ANKRD52: variants seen among roughly 807,000 people sequenced by gnomAD.
ANKRD52 encodes the protein ankyrin repeat domain 52.
In ANKRD52, 7 loss-of-function variants were observed where a neutral mutation model predicts 116.0. The observed-to-expected ratio is 0.06, with a 90% CI of 0.03 to 0.11. ANKRD52 has a LOEUF of 0.11. Among genes scored for constraint, ANKRD52 ranks in the 10% least tolerant of loss-of-function variants. The pLI, the probability that ANKRD52 is intolerant of heterozygous loss-of-function variation, is 1.00. For missense variants in ANKRD52, 839 were observed against 1,408.6 expected, an observed-to-expected ratio of 0.60 and a Z score of 6.47; for synonymous variants, 528 against 578.1, an observed-to-expected ratio of 0.91 and a Z score of 1.24.
rs778736280 is a variant in ANKRD52 at position 56,243,119 on chromosome 12, C to T, written c.*23G>A. ...ATAGAATTAGATATCAAGCCACCGG[C>T]GGGGGAGGGACACTGGAGGGGGCTA... On this transcript the variant is annotated 3_prime_UTR_variant, in exon 28 of 28. Coordinates refer to ENST00000267116, the MANE Select transcript of ANKRD52 (RefSeq NM_173595.4). This position sits in a 1 kb window ranked among gnomAD's most constrained non-coding sequence, Gnocchi z 4.6. 2.0e-5 allele frequency: 32 copies of T among 1,564,048 alleles called. No individual in the cohort carries two copies. The African/African-American group carries it at 2.5e-4, about 12-fold the overall frequency.
Position 56,242,259 on chromosome 12 carries a change from TA to T in ANKRD52, c.*882del. The stretch of plus-strand genomic sequence containing the variant: ...CAGGAAATTAATTTGTTTCTTCCCC[TA>T]AAGGATAAAACGCTTACTTAAAAAT... On this transcript the variant is annotated 3_prime_UTR_variant, in exon 28 of 28. Coordinates refer to ENST00000267116, the MANE Select transcript of ANKRD52 (RefSeq NM_173595.4). The surrounding 1 kb of genome is among the most constrained non-coding windows in gnomAD (Gnocchi z 4.3). The T allele has an allele frequency of 5.0e-6, 2 of 398,446 alleles. No individual in the cohort carries two copies. Among genetic ancestry groups the T allele is most frequent in the Non-Finnish European group, 8.8e-6 (2 of 226,044 alleles). 24.7% of individuals were successfully genotyped at this position (398,446 alleles called of 1,614,324 possible).
At position 56,253,154 on chromosome 12, in the gene ANKRD52, T is replaced by A. The variant is rs1229061985; in HGVS notation, c.1101-68A>T. On this transcript the variant is annotated intron_variant, in intron 10 of 27. Coordinates refer to ENST00000267116, the MANE Select transcript of ANKRD52 (RefSeq NM_173595.4). This position sits in a 1 kb window ranked among gnomAD's most constrained non-coding sequence, Gnocchi z 5.5. ...ACCAAGTAAGACCTCTTCTGTGACC[T>A]ACCACCACCCTAGAGTCAGGGTAGG... 3 of 1,455,216 alleles carry A rather than the reference T, an allele frequency of 2.1e-6. No individual in the cohort carries two copies. The highest frequency in any genetic ancestry group is 2.8e-6 in the Non-Finnish European group (3 of 1,072,344). The allele number at this position is 1,455,216 out of a possible 1,614,324, so 90.1% of individuals were successfully genotyped here.
In ANKRD52 at chr12:56,258,340, C is replaced by A. The variant is rs542164211; in HGVS notation, c.-71G>T. 2.1e-6 allele frequency: 3 copies of A among 1,401,906 alleles called. No homozygotes were observed. Among genetic ancestry groups the A allele is most frequent in the South Asian group, 3.2e-5 (2 of 63,416 alleles). The allele number at this position is 1,401,906 out of a possible 1,614,324, so 86.8% of individuals were successfully genotyped here. On this transcript the variant is annotated 5_prime_UTR_variant, in exon 1 of 28. Transcript: ENST00000267116. The stretch of plus-strand genomic sequence containing the variant: ...CGGCGGCTCCACCGGGGACACGGAG[C>A]GGCCCAGGCGGCGGCTGCGGTGGCG...
rs1285609298 is a variant in ANKRD52 at position 56,252,394 on chromosome 12, C to A, written c.1371-79G>T. ...CAATCAGATGTGCAGCCAAATGCTG[C>A]TTTGTAACATTCTCCTTATTTAAGT... On this transcript the variant is annotated intron_variant, in intron 13 of 27. Coordinates refer to ENST00000267116, the MANE Select transcript of ANKRD52 (RefSeq NM_173595.4). The surrounding 1 kb of genome is among the most constrained non-coding windows in gnomAD (Gnocchi z 4.7). 25 of 1,597,694 alleles carry A rather than the reference C, an allele frequency of 1.6e-5. No homozygotes were observed. The Middle Eastern group carries it at 1.5e-3, about 95-fold the overall frequency.
chr12:56,251,738 C>CAAAAA (rs11286294), intron 15 of ANKRD52, among the ~76,000 whole-genome samples: 2 of 83,586 alleles, frequency 2.4e-5, no homozygotes, highest in East Asian at 7.2e-4. Context: ...ACTCTGTCTC[C>CAAAAA]AAAAAAAAAA....
intron 21 of ANKRD52, 58 bp downstream of exon 21, chr12:56,245,319 C>A: frequency 6.2e-7 from 1 of 1,601,530 alleles, no homozygotes; most frequent in South Asian, 1.1e-5. Context: ...CCCACCTGTC[C>A]CCCTCTACAC....
At position 56,252,948 on chromosome 12, in the gene ANKRD52, G is replaced by C; in HGVS notation, c.1184-51C>G. On this transcript the variant is annotated intron_variant, in intron 11 of 27. Transcript: ENST00000267116. The surrounding 1 kb of genome is among the most constrained non-coding windows in gnomAD (Gnocchi z 4.7). ...CACATCTGAGAGTGTTCAGCAGGGA[G>C]GGAAAGGCCTTTGCTCTCCTATACA... 6.3e-7 allele frequency: 1 copy of C among 1,599,350 alleles called. No homozygotes were observed. Among genetic ancestry groups the C allele is most frequent in the Non-Finnish European group, 8.5e-7 (1 of 1,172,380 alleles).
In ANKRD52 at chr12:56,247,742, G is replaced by T; in HGVS notation, c.2011C>A (p.Leu671Met). 1 of 1,612,708 alleles carries T rather than the reference G, an allele frequency of 6.2e-7. No homozygotes were observed. Among genetic ancestry groups the T allele is most frequent in the Non-Finnish European group, 8.5e-7 (1 of 1,179,344 alleles). ...TCAGCTCGTTCCCCACTGTCGATCA[G>T]CAAGTGCAGGGAGTCAGTGTGGCCA... is the stretch of plus-strand genomic sequence containing the variant. The part of the protein sequence containing the change: ...ASGHTDSLHL[L>M]IDSGERADIT... The change falls in exon 19 of 28, where the codon CTG (leucine) becomes ATG (methionine). Residue 671 changes from leucine to methionine, a missense_variant. Leu to Met is a conservative substitution (Grantham distance 15, BLOSUM62 2). Coordinates refer to ENST00000267116, the MANE Select transcript of ANKRD52 (RefSeq NM_173595.4).
Position 56,254,817 on chromosome 12 carries a change from G to A in ANKRD52, c.550+48C>T. 6.2e-7 allele frequency: 1 copy of A among 1,604,090 alleles called. No individual in the cohort carries two copies. ...GCTGCAACCCCACATCCCTGCCCTA[G>A]GAATCCTAAATGTCAAATTTCTGAT... On this transcript the variant is annotated intron_variant, in intron 6 of 27. Coordinates refer to ENST00000267116, the MANE Select transcript of ANKRD52 (RefSeq NM_173595.4). The surrounding 1 kb of genome is among the most constrained non-coding windows in gnomAD (Gnocchi z 4.6).
In ANKRD52 at chr12:56,243,771, C is replaced by T. The variant is rs1264561097; in HGVS notation, c.2980+14G>A. 4 of 1,552,508 alleles carry T rather than the reference C, an allele frequency of 2.6e-6. No homozygotes were observed. Among genetic ancestry groups the T allele is most frequent in the East Asian group, 4.9e-5 (2 of 41,014 alleles). On this transcript the variant is annotated intron_variant, in intron 27 of 27. Coordinates refer to ENST00000267116, the MANE Select transcript of ANKRD52 (RefSeq NM_173595.4). The surrounding 1 kb of genome is among the most constrained non-coding windows in gnomAD (Gnocchi z 4.6). ...CAAACCCAAGAGAGGCATGGGGCCC[C>T]AGACCCCACCCACCTTCTTCATCCA...
At position 56,244,336 on chromosome 12, in the gene ANKRD52, T is replaced by A; in HGVS notation, c.2805+17A>T. 2 of 1,612,994 alleles carry A rather than the reference T, an allele frequency of 1.2e-6. No individual in the cohort carries two copies. The highest frequency in any genetic ancestry group is 1.7e-6 in the Non-Finnish European group (2 of 1,179,096). On this transcript the variant is annotated intron_variant, in intron 25 of 27. Transcript: ENST00000267116. This position sits in a 1 kb window ranked among gnomAD's most constrained non-coding sequence, Gnocchi z 4.9. ...CTCTGCCCCTTATGCAGTCCCCCAA[T>A]CACTTCAGGTAAGTACCTTGCTACA...
Position 56,243,077 on chromosome 12 carries a change from A to T in ANKRD52, c.*65T>A. ...CTCCTTTAAAGTGCCCTAAATGTTT[A>T]GACTTTTTCTAAATAAATAGAATTA... On this transcript the variant is annotated 3_prime_UTR_variant, in exon 28 of 28. Coordinates refer to ENST00000267116, the MANE Select transcript of ANKRD52 (RefSeq NM_173595.4). The surrounding 1 kb of genome is among the most constrained non-coding windows in gnomAD (Gnocchi z 4.6). 1 of 1,469,464 alleles carries T rather than the reference A, an allele frequency of 6.8e-7. No homozygotes were observed. Among genetic ancestry groups the T allele is most frequent in the Non-Finnish European group, 9.0e-7 (1 of 1,107,390 alleles). 91.0% of individuals were successfully genotyped at this position (1,469,464 alleles called of 1,614,324 possible).
Position 56,244,027 on chromosome 12 carries a change from G to C in ANKRD52, c.2888+24C>G, listed in dbSNP as rs749328350. The C allele has an allele frequency of 2.5e-6, 4 of 1,613,072 alleles. No individual in the cohort carries two copies. The East Asian group carries it at 6.7e-5, about 27-fold the overall frequency. The stretch of plus-strand genomic sequence containing the variant: ...TCACCCACTGGCCTCCCCCAGCCAG[G>C]AGCCCCCTTCCCCAGGCACTCACAT... On this transcript the variant is annotated intron_variant, in intron 26 of 27. Transcript: ENST00000267116. This position sits in a 1 kb window ranked among gnomAD's most constrained non-coding sequence, Gnocchi z 4.9.
chr12:56,247,903 C>G (rs1871494085), intron 18 of ANKRD52, 120 bp downstream of exon 18: 2 of 1,358,482 alleles, frequency 1.5e-6, no homozygotes, highest in Non-Finnish European at 2.0e-6. Flanking sequence ...GGATAGGAAG[C>G]TATGAATCAG....
Position 56,254,558 on chromosome 12 carries a change from C to A in ANKRD52, c.693+20G>T. On this transcript the variant is annotated intron_variant, in intron 7 of 27. Transcript: ENST00000267116. The surrounding 1 kb of genome is among the most constrained non-coding windows in gnomAD (Gnocchi z 4.6). ...TACTTGCTGCCCATAGTTCCCAACC[C>A]CAGAGCTCAAAGCCCTGACCTCCGC... 2.5e-6 allele frequency: 4 copies of A among 1,611,630 alleles called. No individual in the cohort carries two copies. The highest frequency in any genetic ancestry group is 3.4e-6 in the Non-Finnish European group (4 of 1,178,944).
chr12:56,244,179 G>T lies in ANKRD52; in HGVS notation c.2806-46C>A. The T allele has an allele frequency of 1.9e-6, 3 of 1,603,394 alleles. No individual in the cohort carries two copies. Among genetic ancestry groups the T allele is most frequent in the Non-Finnish European group, 2.6e-6 (3 of 1,170,356 alleles). On this transcript the variant is annotated intron_variant, in intron 25 of 27. Transcript: ENST00000267116. The surrounding 1 kb of genome is among the most constrained non-coding windows in gnomAD (Gnocchi z 4.9). The stretch of plus-strand genomic sequence containing the variant: ...GTGGAGACTTGTGAAGTAGAAATGT[G>T]GCAGGGTGCAGGGCAGGAGTTGGGG...
rs1215395520 is a variant in ANKRD52 at position 56,237,858 on chromosome 12, G to A, written c.*5284C>T. ...GAACCCATCCCAAAGCCATGACTAC[G>A]ACAGTTGTACTTGCACCAAAACAGC... On this transcript the variant is annotated 3_prime_UTR_variant, in exon 28 of 28. Coordinates refer to ENST00000267116, the MANE Select transcript of ANKRD52 (RefSeq NM_173595.4). The A allele has an allele frequency of 2.7e-5, 32 of 1,186,500 alleles. No individual in the cohort carries two copies. The highest frequency in any genetic ancestry group is 8.2e-5 in the East Asian group (3 of 36,740). 73.5% of individuals were successfully genotyped at this position (1,186,500 alleles called of 1,614,324 possible).
rs1871057528 is a variant in ANKRD52, at chr12:56,239,264, A to G, written c.*3878T>C. 1 of 152,264 alleles carries G rather than the reference A, an allele frequency of 6.6e-6. No individual in the cohort carries two copies. Among genetic ancestry groups the G allele is most frequent in the Non-Finnish European group, 1.5e-5 (1 of 68,086 alleles). 9.4% of individuals were successfully genotyped at this position (152,264 alleles called of 1,614,324 possible). A position where few individuals can be genotyped will look rare whatever the true frequency, so the allele number is the denominator to read the frequency against. On this transcript the variant is annotated 3_prime_UTR_variant, in exon 28 of 28. Transcript: ENST00000267116. ...TCCCTCTCTACCTCCCGATTCCCAG[A>G]CCACTGGGCTTGGTCCTCAAAGATT... is the stretch of plus-strand genomic sequence containing the variant.
intron 21 of ANKRD52, 67 bp downstream of exon 21, chr12:56,245,310 C>G: frequency 6.2e-7 from 1 of 1,602,058 alleles, no homozygotes; most frequent in Non-Finnish European, 8.5e-7. Context: ...CCCCAACAAC[C>G]CACCTGTCCC....
Sources: gnomAD v4.1 joint callset for allele counts (sites outside exome capture counted in the v4.1 genomes callset) on GRCh38, gnomAD v4.1.1 for gene constraint, Gnocchi (gnomAD v3.1) non-coding constraint, MANE v1.5 for transcripts, NCBI Gene and HGNC (gene_info 2026-07-23, HGNC 2026-07-21) for gene names.